Variants in NRF1 observed in about 807,000 individuals in gnomAD.
The protein encoded by NRF1 is nuclear respiratory factor 1, also known as alpha palindromic-binding protein.
Under a neutral mutation model 58.5 loss-of-function variants are expected in NRF1, and 5 were observed. The ratio of observed to expected loss-of-function variants is 0.09; its 90% confidence interval spans 0.04 to 0.18. The LOEUF (loss-of-function observed/expected upper bound fraction) is 0.18. Among genes scored for constraint, NRF1 ranks in the 10% least tolerant of loss-of-function variants. The pLI is 1.00. For missense variants in NRF1, 288 were observed against 657.7 expected (o/e 0.44, Z 6.15); for synonymous variants, 224 against 246.7 (o/e 0.91, Z 0.86).
At chr7:129,645,869 A>C (rs1327412837) in intron 1 of NRF1, among the ~76,000 whole-genome samples, 2 of 152,096 alleles carry the variant, frequency 1.3e-5, no homozygotes, top group African/African-American at 4.8e-5. Flanking sequence ...ATGTATTCTG[A>C]GATACAGTTT....
chr7:129,671,809 G>A (rs1802054191), intron 3 of NRF1, among the ~76,000 whole-genome samples: 1 of 152,198 alleles, frequency 6.6e-6, no homozygotes, highest in South Asian at 2.1e-4. Context: ...GCATGGAAGA[G>A]TGAACAAAAC....
rs536462037 is a variant in NRF1, at chr7:129,736,500, G to A, written c.1348+9135G>A. ...TCGAACTCCTGACCTCAAATGATCC[G>A]GCCTCCCAAAGTGCTGGGATTTCAG... On this transcript the variant is annotated intron_variant, in intron 10 of 10. Transcript: ENST00000393232. 3.3e-5 allele frequency among the ~76,000 whole-genome samples: 5 copies of A among 151,914 alleles called. No individual in the cohort carries two copies. In the South Asian group the frequency reaches 8.3e-4, roughly 25 times the overall value.
At chr7:129,645,675 AG>A (rs1801389744) in intron 1 of NRF1, among the ~76,000 whole-genome samples, 1 of 152,182 alleles carries the variant, frequency 6.6e-6, no homozygotes, top group Non-Finnish European at 1.5e-5. Flanking sequence ...ATTTCTATGA[AG>A]AGACAGTATA....
chr7:129,701,444 A>G (rs1340254442), intron 5 of NRF1, among the ~76,000 whole-genome samples: 1 of 152,096 alleles, frequency 6.6e-6, no homozygotes, highest in African/African-American at 2.4e-5. Flanking sequence ...CTAAAAATAC[A>G]AAACAATTAG....
intron 5 of NRF1, among the ~76,000 whole-genome samples, chr7:129,702,796 C>G (rs555075549): frequency 4.1e-4 from 63 of 152,114 alleles, no homozygotes; most frequent in Non-Finnish European, 7.6e-4. Context: ...ATTATGTATT[C>G]TCTGACCTCT....
chr7:129,747,260 C>G (rs1000590737), intron 10 of NRF1, among the ~76,000 whole-genome samples: 1 of 152,218 alleles, frequency 6.6e-6, no homozygotes, highest in Non-Finnish European at 1.5e-5. Flanking sequence ...GCAACCACTT[C>G]ATCTACGTCA....
At chr7:129,675,776 A>G (rs927395298) in intron 3 of NRF1, among the ~76,000 whole-genome samples, 1 of 152,222 alleles carries the variant, frequency 6.6e-6, no homozygotes, top group Non-Finnish European at 1.5e-5. Context: ...TATAGAGGAC[A>G]GGCAGAGTAG....
intron 9 of NRF1, among the ~76,000 whole-genome samples, chr7:129,720,254 G>A (rs1803289239): frequency 6.6e-6 from 1 of 152,200 alleles, no homozygotes; most frequent in Admixed American, 6.5e-5. Context: ...CTAGACTATA[G>A]CAGACTATTA....
chr7:129,655,573 G>T (rs977620981), intron 1 of NRF1, among the ~76,000 whole-genome samples: 1 of 151,796 alleles, frequency 6.6e-6, no homozygotes, highest in Non-Finnish European at 1.5e-5. Flanking sequence ...CCAGGCTGGA[G>T]CGTAGTGGCA....
chr7:129,687,030 A>G (rs956906132), intron 4 of NRF1, among the ~76,000 whole-genome samples: 1 of 152,220 alleles, frequency 6.6e-6, no homozygotes, highest in Non-Finnish European at 1.5e-5. Flanking sequence ...TTTTAATCAT[A>G]TATCATTTTT....
chr7:129,620,307 T>A (rs1230178360), intron 1 of NRF1, among the ~76,000 whole-genome samples: 1 of 152,124 alleles, frequency 6.6e-6, no homozygotes, highest in African/African-American at 2.4e-5. Context: ...GGTTTTTTTA[T>A]ACTCTAGGAC....
chr7:129,748,030 C>CT (rs1258725965), intron 10 of NRF1, among the ~76,000 whole-genome samples: 1 of 151,992 alleles, frequency 6.6e-6, no homozygotes, highest in African/African-American at 2.4e-5. Flanking sequence ...AATCCCAGCA[C>CT]TTTGGGAGGC....
In NRF1 at chr7:129,705,599, C is replaced by T. The variant is rs538711034; in HGVS notation, c.607-3476C>T. Reference sequence around the variant, plus strand: ...AGCCACCAAGCCCGGCCCTTGTGTTCTTTTTGGTAGAAAGAGCTAACTTAA... The same window carrying T: ...AGCCACCAAGCCCGGCCCTTGTGTTTTTTTTGGTAGAAAGAGCTAACTTAA... On this transcript the variant is annotated intron_variant, in intron 5 of 10. Transcript: ENST00000393232. Among the ~76,000 whole-genome samples the T allele has an allele frequency of 2.8e-4, 42 of 152,138 alleles. 1 individual carries two copies. Among genetic ancestry groups the T allele is most frequent in the South Asian group, 2.3e-3 (11 of 4,824 alleles).
chr7:129,705,969 A>G (rs964401220), intron 5 of NRF1, among the ~76,000 whole-genome samples: 2 of 152,192 alleles, frequency 1.3e-5, no homozygotes, highest in Admixed American at 6.6e-5. Flanking sequence ...GAATGAATGA[A>G]TAGTTAGTAT....
chr7:129,676,229 T>C (rs1374322497), intron 3 of NRF1, among the ~76,000 whole-genome samples: 1 of 152,240 alleles, frequency 6.6e-6, no homozygotes, highest in Admixed American at 6.5e-5. Flanking sequence ...ATCATTTGTG[T>C]GTTCATTGGA....
At chr7:129,749,506 T>G (rs896582199) in intron 10 of NRF1, among the ~76,000 whole-genome samples, 11 of 152,202 alleles carry the variant, frequency 7.2e-5, no homozygotes, top group Non-Finnish European at 1.2e-4. Context: ...CAGCCAGTTC[T>G]TCCAGAGATT....
At chr7:129,661,543 C>T (rs1189451860) in intron 2 of NRF1, among the ~76,000 whole-genome samples, 2 of 150,996 alleles carry the variant, frequency 1.3e-5, no homozygotes, top group Non-Finnish European at 2.9e-5. Flanking sequence ...CCACAAATCT[C>T]TAGGGCAGGG....
chr7:129,680,895 A>G (rs1264336352), intron 4 of NRF1, among the ~76,000 whole-genome samples: 2 of 152,236 alleles, frequency 1.3e-5, no homozygotes. Context: ...CCCTATGAGT[A>G]TAAAGTCTTA....
At chr7:129,656,870 C>A (rs1801669480) in intron 1 of NRF1, among the ~76,000 whole-genome samples, 1 of 152,128 alleles carries the variant, frequency 6.6e-6, no homozygotes, top group South Asian at 2.1e-4. Flanking sequence ...TGCCGCCATG[C>A]CCTCAAGAAG....
Sources: gnomAD v4.1 joint callset for allele counts (sites outside exome capture counted in the v4.1 genomes callset) on GRCh38, gnomAD v4.1.1 for gene constraint, MANE v1.5 for transcripts, NCBI Gene and HGNC (gene_info 2026-07-23, HGNC 2026-07-21) for gene names.